The following SORBS2 variants were observed in gnomAD, a reference collection of about 807,000 sequenced individuals.
SORBS2 encodes sorbin and SH3 domain containing 2.
In SORBS2, 46 loss-of-function variants were observed where a neutral mutation model predicts 97.7. The ratio of observed to expected loss-of-function variants is 0.47; its 90% CI spans 0.37 to 0.60. SORBS2 has a LOEUF of 0.60. SORBS2 is among the 20% of genes least tolerant of loss of function. SORBS2 has a pLI of 0.00. For synonymous variants in SORBS2, 476 were observed against 473.4 expected, an observed-to-expected ratio of 1.01 and a Z score of -0.07; for missense variants, 1,316 against 1,282.3, an observed-to-expected ratio of 1.03 and a Z score of -0.40.
intron 1 of SORBS2, among the ~76,000 whole-genome samples, chr4:185,899,954 A>G (rs1205320722): frequency 6.6e-6 from 1 of 152,176 alleles, no homozygotes; most frequent in Non-Finnish European, 1.5e-5. Flanking sequence ...AGGCAACGGC[A>G]CTAGAAAGGA....
At chr4:185,919,495 T>C (rs950667202) in intron 1 of SORBS2, 2 of 152,236 alleles carry the variant, frequency 1.3e-5, no homozygotes, top group African/African-American at 4.8e-5. Flanking sequence ...ATGAGAATAA[T>C]ATTATCTCTT....
intron 6 of SORBS2, among the ~76,000 whole-genome samples, chr4:185,626,350 A>G (rs1342420795): frequency 6.6e-6 from 1 of 152,232 alleles, no homozygotes; most frequent in Non-Finnish European, 1.5e-5. Flanking sequence ...GGCTAAAGAA[A>G]TTAATAGGTC....
At chr4:185,748,678 T>C (rs1200433456) in intron 2 of SORBS2, among the ~76,000 whole-genome samples, 1 of 152,262 alleles carries the variant, frequency 6.6e-6, no homozygotes, top group Non-Finnish European at 1.5e-5. Context: ...ATATGTTAAC[T>C]ACCTCAAAAT....
At chr4:185,848,048 T>G (rs1159126521) in intron 1 of SORBS2, among the ~76,000 whole-genome samples, 1 of 152,178 alleles carries the variant, frequency 6.6e-6, no homozygotes, top group Non-Finnish European at 1.5e-5. Flanking sequence ...TGGTTTGGGA[T>G]TGGGGCCACC....
chr4:185,922,390 T>C (rs1425631718), intron 1 of SORBS2, among the ~76,000 whole-genome samples: 1 of 152,174 alleles, frequency 6.6e-6, no homozygotes, highest in Non-Finnish European at 1.5e-5. Flanking sequence ...GCTTTGGCAC[T>C]GAGCAAGTCT....
chr4:185,641,289 G>A (rs530084140), intron 4 of SORBS2, among the ~76,000 whole-genome samples: 51 of 152,086 alleles, frequency 3.4e-4, no homozygotes, highest in African/African-American at 8.2e-4. Context: ...AATTAGCAGA[G>A]AAAACACCCA....
At chr4:185,627,534 G>A (rs2096836372) in intron 5 of SORBS2, among the ~76,000 whole-genome samples, 1 of 152,040 alleles carries the variant, frequency 6.6e-6, no homozygotes. Context: ...ATTTTTTTAG[G>A]GCAGTTTTAG....
At chr4:185,859,965 A>T (rs2099222748) in intron 1 of SORBS2, among the ~76,000 whole-genome samples, 1 of 152,222 alleles carries the variant, frequency 6.6e-6, no homozygotes. Flanking sequence ...TTAAATTTTT[A>T]ACAATATGCT....
chr4:185,654,924 C>T (rs568591956), intron 1 of SORBS2, among the ~76,000 whole-genome samples: 2 of 152,250 alleles, frequency 1.3e-5, no homozygotes, highest in South Asian at 4.1e-4. Flanking sequence ...TAAAAAAGGA[C>T]ATATTTTCTA....
intron 2 of SORBS2, among the ~76,000 whole-genome samples, chr4:185,731,866 CTATATATATATATATATA>C (rs544211866): frequency 0.029 from 706 of 24,590 alleles, 4 homozygotes; most frequent in Non-Finnish European, 0.037. Context: ...CTCTCTCTCT[CTATATATATATATATATA>C]TATATATATA....
At position 185,623,545 on chromosome 4, in the gene SORBS2, A is replaced by C. The variant is rs1253709747; in HGVS notation, c.1584T>G (p.Phe528Leu). The C allele has an allele frequency of 8.1e-6, 13 of 1,613,854 alleles. No homozygotes were observed. Among genetic ancestry groups the C allele is most frequent in the Admixed American group, 1.7e-5 (1 of 59,988 alleles). Reference sequence around the variant, plus strand: ...CGGAGGATGTGAAGGAAAAGTGATCAAAGTCACTTTCACTGCAGAAGGATG... The same window carrying C: ...CGGAGGATGTGAAGGAAAAGTGATCCAAGTCACTTTCACTGCAGAAGGATG... The change falls in exon 7 of 15, where the codon TTT (phenylalanine) becomes TTG (leucine). Residue 528 changes from phenylalanine (F) to leucine (L), a missense_variant. Physicochemically the swap from Phe to Leu is conservative, Grantham distance 22 (BLOSUM62 0). Coordinates refer to ENST00000418609, the Ensembl canonical transcript of SORBS2. This position sits in a 1 kb window ranked among gnomAD's most constrained non-coding sequence, Gnocchi z 6.4.
chr4:185,778,686 T>C (rs2099012515), intron 1 of SORBS2, among the ~76,000 whole-genome samples: 1 of 152,110 alleles, frequency 6.6e-6, no homozygotes. Flanking sequence ...AACAGCTGAT[T>C]CCAGATTAAA....
At chr4:185,756,029 T>C (rs1584231671) in intron 2 of SORBS2, among the ~76,000 whole-genome samples, 1 of 152,364 alleles carries the variant, frequency 6.6e-6, no homozygotes, top group East Asian at 1.9e-4. Context: ...TTGAGGTAAC[T>C]TGATTTAAAA....
chr4:185,797,554 C>T (rs2099110795), intron 1 of SORBS2, among the ~76,000 whole-genome samples: 1 of 152,198 alleles, frequency 6.6e-6, no homozygotes, highest in Admixed American at 6.5e-5. Context: ...GCCATTCATT[C>T]TGCCTCTGAC....
chr4:185,610,436 A>G (rs929739570), intron 12 of SORBS2, among the ~76,000 whole-genome samples: 1 of 151,964 alleles, frequency 6.6e-6, no homozygotes, highest in Non-Finnish European at 1.5e-5. Flanking sequence ...ACTATAACCA[A>G]TCAAGCAAAC....
intron 1 of SORBS2, among the ~76,000 whole-genome samples, chr4:185,861,340 T>C (rs1486137195): frequency 1.6e-5 from 2 of 126,112 alleles, no homozygotes; most frequent in African/African-American, 5.9e-5. Flanking sequence ...ATCAGTCGGG[T>C]GGGGGGCTTA....
intron 13 of SORBS2, among the ~76,000 whole-genome samples, chr4:185,592,473 A>C (rs902751515): frequency 9.9e-5 from 15 of 152,214 alleles, no homozygotes; most frequent in Admixed American, 6.5e-4. Context: ...ATGTGATCTT[A>C]TCATCGTTTG....
At chr4:185,904,101 C>T (rs886780533) in intron 1 of SORBS2, among the ~76,000 whole-genome samples, 3 of 152,146 alleles carry the variant, frequency 2.0e-5, no homozygotes, top group African/African-American at 7.2e-5. Flanking sequence ...ATTTTACTTA[C>T]CTGAGAACTG....
intron 1 of SORBS2, among the ~76,000 whole-genome samples, chr4:185,806,494 GTC>G (rs1366495902): frequency 4.2e-5 from 5 of 117,842 alleles, no homozygotes; most frequent in African/African-American, 1.7e-4. Flanking sequence ...GTCTCGCTCT[GTC>G]GCCCAGGCTG....
Sources: gnomAD v4.1 joint callset for allele counts (sites outside exome capture counted in the v4.1 genomes callset) on GRCh38, gnomAD v4.1.1 for gene constraint, Gnocchi (gnomAD v3.1) non-coding constraint, MANE v1.5 for transcripts, NCBI Gene and HGNC (gene_info 2026-07-23, HGNC 2026-07-21) for gene names.